NCAPD3: variants seen among roughly 807,000 people sequenced by gnomAD.
NCAPD3 encodes non-SMC condensin II complex subunit D3.
A neutral mutation model predicts 182.9 loss-of-function variants in NCAPD3; 105 were observed. The observed-to-expected ratio is 0.57, with a 90% CI of 0.49 to 0.68. The LOEUF is 0.68. Among genes scored for constraint, NCAPD3 ranks in the 30% least tolerant of loss-of-function variants. The pLI, the probability that NCAPD3 is intolerant of heterozygous loss-of-function variation, is 0.00. For synonymous variants in NCAPD3, 815 were observed against 679.9 expected, an observed-to-expected ratio of 1.20 and a Z score of -3.09; for missense variants, 1,944 against 1,837.0, an observed-to-expected ratio of 1.06 and a Z score of -1.07.
intron 16 of NCAPD3, among the ~76,000 whole-genome samples, chr11:134,190,842 T>C (rs929115458): frequency 6.6e-5 from 10 of 152,226 alleles, no homozygotes; most frequent in Non-Finnish European, 1.5e-4. Flanking sequence ...CGTCTCAATA[T>C]GGCTTTATTT....
Position 134,158,496 on chromosome 11 carries a change from C to G in NCAPD3, c.3868-1G>C. 1.2e-6 allele frequency: 2 copies of G among 1,612,918 alleles called. No individual in the cohort carries two copies. Among genetic ancestry groups the G allele is most frequent in the East Asian group, 2.2e-5 (1 of 44,884 alleles). The stretch of plus-strand genomic sequence containing the variant: ...GCACTGTTTCTAAACACAGGGCAAC[C>G]TGGTAGAGAAGATAAAGAGTATGTA... On this transcript the variant is annotated splice_acceptor_variant, in intron 29 of 34. Transcript: ENST00000534548. LOFTEE classifies it high-confidence loss of function.
chr11:134,204,890 A>T lies in NCAPD3; in HGVS notation c.1089+9T>A, dbSNP rs1944818253. The T allele has an allele frequency of 6.2e-7, 1 of 1,600,998 alleles. No homozygotes were observed. The highest frequency in any genetic ancestry group is 1.3e-5 in the African/African-American group (1 of 74,684). ...TCCATGTTATTAATATTACTAAGGC[A>T]AACAGTACCTTGGCACAGATGTGCT... On this transcript the variant is annotated intron_variant, in intron 9 of 34. Transcript: ENST00000534548. This position sits in a 1 kb window ranked among gnomAD's most constrained non-coding sequence, Gnocchi z 4.3.
intron 24 of NCAPD3, among the ~76,000 whole-genome samples, chr11:134,170,059 C>G (rs1205934385): frequency 6.6e-6 from 1 of 152,092 alleles, no homozygotes; most frequent in Non-Finnish European, 1.5e-5. Context: ...CTCCTTATGC[C>G]AAAATTCAAA....
At chr11:134,155,793 C>T (rs1298252593) in intron 32 of NCAPD3, among the ~76,000 whole-genome samples, 1 of 151,316 alleles carries the variant, frequency 6.6e-6, no homozygotes, top group East Asian at 2.0e-4. Context: ...CACCTGTCCA[C>T]GACGCAGGAT....
chr11:134,220,109 G>C (rs549310160), intron 2 of NCAPD3, among the ~76,000 whole-genome samples: 1 of 151,980 alleles, frequency 6.6e-6, no homozygotes, highest in Non-Finnish European at 1.5e-5. Context: ...TTTTCTTAAA[G>C]TTAAGGTTAA....
Position 134,204,680 on chromosome 11 carries a change from T to C in NCAPD3, c.1089+219A>G, listed in dbSNP as rs558150834. On this transcript the variant is annotated intron_variant, in intron 9 of 34. Coordinates refer to ENST00000534548, the MANE Select transcript of NCAPD3 (RefSeq NM_015261.3). This position sits in a 1 kb window ranked among gnomAD's most constrained non-coding sequence, Gnocchi z 4.3. ...CCTATTTTCCCTGTTTCTGTGTGTA[T>C]GTTCAACATTTTTCCAAAACAAAGT... is the stretch of plus-strand genomic sequence containing the variant. 2.1e-4 allele frequency among the ~76,000 whole-genome samples: 32 copies of C among 152,338 alleles called. No homozygotes were observed. Among genetic ancestry groups the C allele is most frequent in the African/African-American group, 7.2e-4 (30 of 41,576 alleles).
chr11:134,189,147 T>C lies in NCAPD3; in HGVS notation c.2045+3542A>G, dbSNP rs1399857275. ...TACTAATACATTCTGAATACTCTGT[T>C]TCTGAATGTATACTGAACAAGACAT... On this transcript the variant is annotated intron_variant, in intron 16 of 34. Coordinates refer to ENST00000534548, the MANE Select transcript of NCAPD3 (RefSeq NM_015261.3). 4.6e-5 allele frequency among the ~76,000 whole-genome samples: 7 copies of C among 152,330 alleles called. No individual in the cohort carries two copies. In the South Asian group the frequency reaches 1.2e-3, roughly 27 times the overall value.
intron 27 of NCAPD3, among the ~76,000 whole-genome samples, chr11:134,165,237 C>A (rs928911409): frequency 7.6e-5 from 11 of 144,836 alleles, no homozygotes; most frequent in African/African-American, 2.6e-4. Flanking sequence ...AGGGGAGCAG[C>A]ACGCTCACTT....
intron 25 of NCAPD3, 30 bp from the exon 26 acceptor site, chr11:134,168,632 T>C (rs748988572): frequency 1.2e-6 from 2 of 1,613,536 alleles, no homozygotes; most frequent in Admixed American, 1.7e-5. Flanking sequence ...GTTCACTGCA[T>C]CACATGGGCA....
upstream of NCAPD3, chr11:134,224,240 A>T: frequency 2.0e-6 from 1 of 506,118 alleles, no homozygotes; most frequent in Middle Eastern, 5.3e-4. Flanking sequence ...AATGGGGGAA[A>T]ATCTAAAGGG....
At chr11:134,178,127 T>C (rs1591837969) in intron 22 of NCAPD3, 1 of 152,264 alleles carries the variant, frequency 6.6e-6, no homozygotes, top group Non-Finnish European at 1.5e-5. Context: ...AGATTAAAAA[T>C]AATTTGAGTT....
In NCAPD3 at chr11:134,194,054, G is replaced by A. The variant is rs1158196203; in HGVS notation, c.1786C>T (p.Arg596Trp). ...GTAAGAGACTGGAGGGCCTGCTTCC[G>A]GACAGACACTGCAGGGTCCCGACAC... is the stretch of plus-strand genomic sequence containing the variant. ...DQCRDPAVSV[R>W]KQALQSLTEL... Residue 596 changes from arginine (R) to tryptophan (W), a missense_variant, in exon 15 of 35, where the codon CGG becomes TGG. Arg to Trp is a moderately radical substitution (Grantham distance 101). This residue lies in a region of NCAPD3 where 1,803 missense variants were observed against 1,674.6 expected (regional missense o/e 1.08). Transcript: ENST00000534548. 3 of 1,613,890 alleles carry A rather than the reference G, an allele frequency of 1.9e-6. No homozygotes were observed. The highest frequency in any genetic ancestry group is 1.3e-5 in the African/African-American group (1 of 74,900).
chr11:134,188,574 A>G (rs1308442671), intron 16 of NCAPD3, among the ~76,000 whole-genome samples: 1 of 152,124 alleles, frequency 6.6e-6, no homozygotes, highest in East Asian at 1.9e-4. Context: ...GTGAGATGAC[A>G]AACCCACCAG....
intron 27 of NCAPD3, among the ~76,000 whole-genome samples, chr11:134,165,714 CGTG>C (rs1943761390): frequency 1.7e-5 from 2 of 117,318 alleles, no homozygotes; most frequent in African/African-American, 3.3e-5. Context: ...GGCGCACACT[CGTG>C]AGATGAGCTT....
intron 27 of NCAPD3, 110 bp downstream of exon 27, chr11:134,167,886 C>G (rs549844940): frequency 1.9e-6 from 2 of 1,036,232 alleles, no homozygotes; most frequent in East Asian, 2.4e-5. Flanking sequence ...GGGGGAGGTG[C>G]ACACTCACTT....
intron 27 of NCAPD3, among the ~76,000 whole-genome samples, chr11:134,162,792 C>A (rs1943624911): frequency 6.6e-6 from 1 of 152,210 alleles, no homozygotes; most frequent in South Asian, 2.1e-4. Context: ...AGAGCTAACC[C>A]TCTGAGGATG....
In NCAPD3 at chr11:134,185,530, GA is replaced by G. The variant is rs761642300; in HGVS notation, c.2046-5del. 1.5e-3 allele frequency: 2,161 copies of G among 1,403,152 alleles called. No individual in the cohort carries two copies. Among genetic ancestry groups the G allele is most frequent in the South Asian group, 3.7e-3 (266 of 71,480 alleles). The allele number at this position is 1,403,152 out of a possible 1,614,324, so 86.9% of individuals were successfully genotyped here. On this transcript the variant is annotated splice_polypyrimidine_tract_variant and splice_region_variant and intron_variant, in intron 16 of 34. Transcript: ENST00000534548. ...AAAAGCCTTATTTAAATATCGGCTGGAAAAAAAAAAGATAGAAAAGCAGAAT... is the reference window on the plus strand; with the variant it reads ...AAAAGCCTTATTTAAATATCGGCTGGAAAAAAAAAGATAGAAAAGCAGAAT...
At chr11:134,167,682 TG>T (rs1208680153) in intron 27 of NCAPD3, among the ~76,000 whole-genome samples, 1 of 101,146 alleles carries the variant, frequency 9.9e-6, no homozygotes, top group Non-Finnish European at 1.9e-5. Context: ...GAGATGAGCT[TG>T]GGGGAGGGGC....
intron 28 of NCAPD3, 143 bp from the exon 29 acceptor site, chr11:134,160,217 G>C: frequency 1.3e-6 from 1 of 760,426 alleles, no homozygotes; most frequent in Non-Finnish European, 2.0e-6. Context: ...AGTTAAGAAA[G>C]AAAAAAGCCC....
Sources: gnomAD v4.1 joint callset for allele counts (sites outside exome capture counted in the v4.1 genomes callset) on GRCh38, gnomAD v4.1.1 for gene constraint, gnomAD v4.1.1 regional missense constraint, Gnocchi (gnomAD v3.1) non-coding constraint, MANE v1.5 for transcripts, NCBI Gene and HGNC (gene_info 2026-07-23, HGNC 2026-07-21) for gene names.